The following TMC1 variants were observed in gnomAD, a reference collection of about 807,000 sequenced individuals.
The protein encoded by TMC1 is transmembrane channel like 1.
TMC1 carries 84 observed loss-of-function variants against 105.8 expected under a neutral mutation model. The ratio of observed to expected loss-of-function variants is 0.79; its 90% confidence interval spans 0.67 to 0.95. TMC1 has a LOEUF of 0.95. Among genes scored for constraint, TMC1 ranks in the 40% least tolerant of loss-of-function variants. The probability of loss-of-function intolerance (pLI) is 0.00; values close to 1 mark genes in which losing one functional copy is unlikely to be tolerated. For missense variants in TMC1, 817 were observed against 914.1 expected (o/e 0.89, Z 1.37); for synonymous variants, 315 against 311.5 (o/e 1.01, Z -0.12).
intron 5 of TMC1, chr9:72,655,747 A>C (rs1423065840): frequency 7.9e-6 from 4 of 506,064 alleles, no homozygotes; most frequent in Non-Finnish European, 1.4e-5. Flanking sequence ...GTATCAAAAA[A>C]AAAAAATCAT....
At chr9:72,584,821 G>A (rs1270386753) in intron 2 of TMC1, among the ~76,000 whole-genome samples, 5 of 124,738 alleles carry the variant, frequency 4.0e-5, no homozygotes, top group African/African-American at 6.4e-5. Flanking sequence ...GTCTCGCTTC[G>A]TTGCCCAGGC....
At chr9:72,655,898 A>G in intron 5 of TMC1, 1 of 785,678 alleles carries the variant, frequency 1.3e-6, no homozygotes, top group Non-Finnish European at 2.3e-6. Context: ...TAATCTGCTT[A>G]ACAATCTCAG....
chr9:72,564,297 G>A (rs888061930), intron 1 of TMC1, among the ~76,000 whole-genome samples: 1 of 152,182 alleles, frequency 6.6e-6, no homozygotes, highest in African/African-American at 2.4e-5. Context: ...TCATGAAGCA[G>A]CAATATTTTA....
intron 5 of TMC1, among the ~76,000 whole-genome samples, chr9:72,650,891 G>GATAT (rs71495329): frequency 5.1e-5 from 6 of 117,790 alleles, no homozygotes; most frequent in Non-Finnish European, 8.8e-5. Flanking sequence ...TAGATATATA[G>GATAT]ATATATATAT....
At chr9:72,666,224 T>C (rs1826040314) in intron 5 of TMC1, among the ~76,000 whole-genome samples, 1 of 151,208 alleles carries the variant, frequency 6.6e-6, no homozygotes. Flanking sequence ...GAGACTAGCC[T>C]GCACTACATA....
intron 15 of TMC1, 133 bp downstream of exon 15, chr9:72,789,450 C>A: frequency 1.3e-6 from 1 of 770,170 alleles, no homozygotes; most frequent in East Asian, 2.6e-5. Flanking sequence ...GTTAACCAAC[C>A]CTGTTGCTCA....
intron 3 of TMC1, among the ~76,000 whole-genome samples, chr9:72,622,895 T>C (rs1018066612): frequency 1.3e-5 from 2 of 151,084 alleles, no homozygotes; most frequent in African/African-American, 2.4e-5. Flanking sequence ...TACTCAAAAG[T>C]ACAAAAATTA....
chr9:72,556,383 C>T (rs1325679690), intron 1 of TMC1, among the ~76,000 whole-genome samples: 2 of 151,878 alleles, frequency 1.3e-5, no homozygotes, highest in Non-Finnish European at 2.9e-5. Context: ...GCCCAAAGTG[C>T]TGGGATTACA....
intron 3 of TMC1, among the ~76,000 whole-genome samples, chr9:72,625,642 C>A (rs569055241): frequency 2.0e-5 from 3 of 148,760 alleles, no homozygotes; most frequent in African/African-American, 7.5e-5. Flanking sequence ...GAGCTGAGAT[C>A]GCGCCACTGT....
rs1828284715 is a variant in TMC1, at chr9:72,792,278, A to G, written c.1492A>G (p.Ser498Gly). The change falls in exon 17 of 24, where the codon AGC (serine) becomes GGC (glycine). Residue 498 changes from serine (S) to glycine (G), a missense_variant. Ser to Gly is a moderately conservative substitution (Grantham distance 56). Coordinates refer to ENST00000297784, the MANE Select transcript of TMC1 (RefSeq NM_138691.3). ...CTACAATGCATCATTCTCTGAAAAT[A>G]GCACTGGACCACCCTTTTTTGTTCA... ...KAYNASFSEN[S>G]TGPPFFVHPA... 1.4e-5 allele frequency: 22 copies of G among 1,614,092 alleles called. No homozygotes were observed. Among genetic ancestry groups the G allele is most frequent in the Non-Finnish European group, 1.9e-5 (22 of 1,180,028 alleles).
At chr9:72,763,664 C>A (rs1191396225) in intron 12 of TMC1, among the ~76,000 whole-genome samples, 7 of 151,998 alleles carry the variant, frequency 4.6e-5, no homozygotes, top group Admixed American at 2.0e-4. Flanking sequence ...TGGCCTTATT[C>A]AGGGGACTGA....
At chr9:72,657,183 T>C (rs1481492183) in intron 5 of TMC1, among the ~76,000 whole-genome samples, 1 of 152,232 alleles carries the variant, frequency 6.6e-6, no homozygotes, top group Non-Finnish European at 1.5e-5. Flanking sequence ...AAATCAGAAC[T>C]ATGTCTCCTC....
chr9:72,653,211 G>A (rs567010354), intron 5 of TMC1, among the ~76,000 whole-genome samples: 59 of 152,224 alleles, frequency 3.9e-4, no homozygotes, highest in African/African-American at 9.6e-4. Flanking sequence ...CTCTCAAAGC[G>A]TTTATAGATT....
intron 13 of TMC1, among the ~76,000 whole-genome samples, chr9:72,773,695 C>T (rs1827966341): frequency 6.6e-6 from 1 of 152,160 alleles, no homozygotes. Flanking sequence ...GTATCATTTA[C>T]ATTACTGAGG....
intron 5 of TMC1, among the ~76,000 whole-genome samples, chr9:72,670,658 A>G (rs1400707492): frequency 6.6e-6 from 1 of 152,218 alleles, no homozygotes; most frequent in East Asian, 1.9e-4. Context: ...TAGCCATTAC[A>G]CATGTTCAAG....
intron 1 of TMC1, among the ~76,000 whole-genome samples, chr9:72,558,041 G>T (rs1378845289): frequency 2.0e-5 from 3 of 152,042 alleles, no homozygotes; most frequent in Non-Finnish European, 2.9e-5. Flanking sequence ...GCACTGTAAG[G>T]GCAGCCAGGA....
At chr9:72,694,449 A>T in intron 6 of TMC1, 94 bp from the exon 7 acceptor site, 1 of 1,080,950 alleles carries the variant, frequency 9.3e-7, no homozygotes, top group South Asian at 1.3e-5. Context: ...GTGCTGTCAG[A>T]TGTGTAATAA....
intron 6 of TMC1, among the ~76,000 whole-genome samples, chr9:72,690,173 TA>T (rs1826441553): frequency 6.6e-6 from 1 of 152,072 alleles, no homozygotes; most frequent in Admixed American, 6.6e-5. Context: ...CTTATAATTA[TA>T]AAAGTCCTAT....
At chr9:72,697,236 A>G (rs1826565204) in intron 7 of TMC1, among the ~76,000 whole-genome samples, 1 of 152,168 alleles carries the variant, frequency 6.6e-6, no homozygotes. Flanking sequence ...TTTTGTATAC[A>G]TATGTTCATT....
Sources: allele counts gnomAD v4.1 joint callset (sites outside exome capture counted in the v4.1 genomes callset), GRCh38; gene constraint gnomAD v4.1.1; transcripts MANE v1.5; gene names NCBI Gene and HGNC (gene_info 2026-07-23, HGNC 2026-07-21).